SPTB: variants seen among roughly 807,000 people sequenced by gnomAD.
The protein encoded by SPTB is spectrin beta chain, erythrocytic.
SPTB carries 45 observed loss-of-function variants against 256.2 expected under a neutral mutation model. The ratio of observed to expected loss-of-function variants is 0.18; its 90% confidence interval spans 0.14 to 0.23. The LOEUF is 0.23. Ranked by LOEUF, SPTB falls within the 10% of genes least tolerant of loss-of-function variation. SPTB has a pLI of 1.00. For synonymous variants in SPTB, 1,231 were observed against 1,243.1 expected, an observed-to-expected ratio of 0.99 and a Z score of 0.21; for missense variants, 2,715 against 3,040.4, an observed-to-expected ratio of 0.89 and a Z score of 2.52.
intron 1 of SPTB, among the ~76,000 whole-genome samples, chr14:64,832,827 C>T (rs555649594): frequency 6.6e-6 from 1 of 152,328 alleles, no homozygotes; most frequent in South Asian, 2.1e-4. Context: ...CCACCGCTCC[C>T]CACACTTCTG....
Position 64,799,215 on chromosome 14 carries a change from A to T in SPTB, c.1064+532T>A, listed in dbSNP as rs1311155084. On this transcript the variant is annotated intron_variant, in intron 9 of 35. Coordinates refer to ENST00000644917, the MANE Select transcript of SPTB (RefSeq NM_001355436.2). ...TGTGTGCACGGTTGTTTGCATGCAC[A>T]TGTGTGTAAGCATATGCACACAGGC... Among the ~76,000 whole-genome samples the T allele has an allele frequency of 2.0e-5, 3 of 152,242 alleles. No individual in the cohort carries two copies. In the East Asian group the frequency reaches 5.8e-4, roughly 29 times the overall value.
intron 2 of SPTB, among the ~76,000 whole-genome samples, chr14:64,811,122 A>T (rs1042578504): frequency 6.6e-6 from 1 of 152,226 alleles, no homozygotes; most frequent in Non-Finnish European, 1.5e-5. Flanking sequence ...GAAAAAAAAA[A>T]GTTTATATTG....
Position 64,847,680 on chromosome 14 carries a change from G to A in SPTB, c.-51-24535C>T, listed in dbSNP as rs1422820388. ...AGACACCAGCCAGCTGGTGGGAAGT[G>A]CTGACCTGTTATATTCCCTTCCTTT... On this transcript the variant is annotated intron_variant, in intron 1 of 35. Transcript: ENST00000644917. This position sits in a 1 kb window ranked among gnomAD's most constrained non-coding sequence, Gnocchi z 5.9. Among the ~76,000 whole-genome samples the A allele has an allele frequency of 6.6e-6, 1 of 152,192 alleles. No individual in the cohort carries two copies. Among genetic ancestry groups the A allele is most frequent in the African/African-American group, 2.4e-5 (1 of 41,434 alleles).
At position 64,782,429 on chromosome 14, in the gene SPTB, G is replaced by C; in HGVS notation, c.4127C>G (p.Ser1376Trp). 1 of 1,614,136 alleles carries C rather than the reference G, an allele frequency of 6.2e-7. No homozygotes were observed. The highest frequency in any genetic ancestry group is 8.5e-7 in the Non-Finnish European group (1 of 1,180,044). The change falls in exon 20 of 36, where the codon TCG (serine) becomes TGG (tryptophan). Residue 1376 changes from serine (S) to tryptophan (W), a missense_variant. By Grantham distance (177) the Ser-to-Trp change is radical. Around this residue, in one of 4 missense-constraint regions of SPTB, gnomAD observed 2,239 missense variants for 2,384.4 expected, o/e 0.94. Coordinates refer to ENST00000644917, the MANE Select transcript of SPTB (RefSeq NM_001355436.2). ...GCGCAGGTCGGAGCTCCTGGCAGCC[G>C]AGAGGTGCTGGGTCTTCTCCTTTGT... ...ATTKEKTQHL[S>W]AARSSDLRLQ... is the part of the protein sequence containing the mutation.
rs1566789747 is a variant in SPTB, at chr14:64,826,641, T to C, written c.-51-3496A>G. 6.6e-6 allele frequency among the ~76,000 whole-genome samples: 1 copy of C among 152,226 alleles called. No individual in the cohort carries two copies. ...GCATAAGTACTTCCTTGTCCATTCATTCCCTGGCTTACCCACAAGTCCCCC... is the reference window on the plus strand; with the variant it reads ...GCATAAGTACTTCCTTGTCCATTCACTCCCTGGCTTACCCACAAGTCCCCC... On this transcript the variant is annotated intron_variant, in intron 1 of 35. Coordinates refer to ENST00000644917, the MANE Select transcript of SPTB (RefSeq NM_001355436.2). The surrounding 1 kb of genome is among the most constrained non-coding windows in gnomAD (Gnocchi z 4.4).
In SPTB at chr14:64,759,210, G is replaced by A. The variant is rs1301200054; in HGVS notation, c.6346-5417C>T. 6.6e-6 allele frequency among the ~76,000 whole-genome samples: 1 copy of A among 152,180 alleles called. No homozygotes were observed. Among genetic ancestry groups the A allele is most frequent in the Non-Finnish European group, 1.5e-5 (1 of 68,024 alleles). On this transcript the variant is annotated intron_variant, in intron 32 of 35. Coordinates refer to ENST00000644917, the MANE Select transcript of SPTB (RefSeq NM_001355436.2). The surrounding 1 kb of genome is among the most constrained non-coding windows in gnomAD (Gnocchi z 4.8). ...CACAATGCCTCTGAAATCGGAAAGGGCACCACAGGTGGTGTGGGAAGGCAG... is the reference window on the plus strand; with the variant it reads ...CACAATGCCTCTGAAATCGGAAAGGACACCACAGGTGGTGTGGGAAGGCAG...
At chr14:64,877,310 CAGA>C (rs1882871190) in intron 1 of SPTB, among the ~76,000 whole-genome samples, 2 of 152,076 alleles carry the variant, frequency 1.3e-5, no homozygotes, top group Non-Finnish European at 2.9e-5. Context: ...CTGATATAAG[CAGA>C]ACTATTACCT....
chr14:64,812,100 C>T (rs1309308914), intron 2 of SPTB, among the ~76,000 whole-genome samples: 2 of 151,920 alleles, frequency 1.3e-5, no homozygotes, highest in Non-Finnish European at 2.9e-5. Context: ...AGGCATGTGC[C>T]AACACACCCA....
rs1382107552 is a variant in SPTB, at chr14:64,787,085, G to A, written c.2880C>T (p.Cys960=). 10 of 1,612,460 alleles carry A rather than the reference G, an allele frequency of 6.2e-6. No homozygotes were observed. The highest frequency in any genetic ancestry group is 1.1e-5 in the South Asian group (1 of 91,072). ...ACTTGCTGGTCTCCTCGCAATCTAC[G>A]CAGTAGTTGTGCACTCGGAGGGCTG... ...VDSALRVHNY[C]VDCEETSKWI... is the part of the protein sequence containing the mutation. Residue 960 remains cysteine, a synonymous_variant, in exon 16 of 36, where the codon TGC becomes TGT. Transcript: ENST00000644917.
At chr14:64,757,478 G>A (rs2082031145) in intron 32 of SPTB, 2 of 152,278 alleles carry the variant, frequency 1.3e-5, no homozygotes, top group East Asian at 3.8e-4. Context: ...GTTGGCTTTG[G>A]AAAATGGGGG....
At chr14:64,768,446 C>A (rs1267922865) in intron 29 of SPTB, among the ~76,000 whole-genome samples, 1 of 152,158 alleles carries the variant, frequency 6.6e-6, no homozygotes, top group African/African-American at 2.4e-5. Context: ...GTTGAACATT[C>A]TTCCCAGCCC....
intron 27 of SPTB, 104 bp downstream of exon 27, chr14:64,770,781 C>T: frequency 6.4e-7 from 1 of 1,556,678 alleles, no homozygotes; most frequent in Non-Finnish European, 8.8e-7. Context: ...GAACGATAGT[C>T]CAGGACTGTC....
intron 9 of SPTB, 81 bp downstream of exon 9, chr14:64,799,666 A>T: frequency 6.5e-7 from 1 of 1,537,588 alleles, no homozygotes; most frequent in Non-Finnish European, 8.9e-7. Context: ...ACACTTCATA[A>T]GGCCCAGAAC....
rs372204766 is a variant in SPTB at position 64,775,220 on chromosome 14, C to T, written c.4747G>A (p.Ala1583Thr). The T allele has an allele frequency of 3.3e-5, 54 of 1,613,704 alleles. No individual in the cohort carries two copies. Among genetic ancestry groups the T allele is most frequent in the Non-Finnish European group, 4.2e-5 (49 of 1,180,052 alleles). The change falls in exon 23 of 36, where the codon GCC (alanine) becomes ACC (threonine). Residue 1583 changes from alanine to threonine, a missense_variant. Ala to Thr is a moderately conservative substitution (Grantham distance 58). Coordinates refer to ENST00000644917, the MANE Select transcript of SPTB (RefSeq NM_001355436.2). The surrounding 1 kb of genome is among the most constrained non-coding windows in gnomAD (Gnocchi z 5.0). ...AAGRLQRLRD[A>T]NEAQQYYLDA... is the part of the protein sequence containing the mutation. ...AGGTAGTACTGCTGTGCCTCGTTGG[C>T]GTCCCTCAGTCGCTGCAGCCTCCCG...
At position 64,766,819 on chromosome 14, in the gene SPTB, T is replaced by C; in HGVS notation, c.6270-18A>G. Reference sequence around the variant, plus strand: ...CTTGAGGCCTAAGGAAGACACAGTCTCTCTTTAGAAACAAGCACCCCTCTG... The same window carrying C: ...CTTGAGGCCTAAGGAAGACACAGTCCCTCTTTAGAAACAAGCACCCCTCTG... On this transcript the variant is annotated intron_variant, in intron 31 of 35. Transcript: ENST00000644917. 1.9e-6 allele frequency: 3 copies of C among 1,608,894 alleles called. No individual in the cohort carries two copies. Among genetic ancestry groups the C allele is most frequent in the Non-Finnish European group, 1.7e-6 (2 of 1,179,826 alleles).
At chr14:64,863,774 A>G (rs1052412691) in intron 1 of SPTB, among the ~76,000 whole-genome samples, 1 of 152,250 alleles carries the variant, frequency 6.6e-6, no homozygotes, top group Non-Finnish European at 1.5e-5. Context: ...CCTAGATTTC[A>G]GACAGTGAGA....
intron 2 of SPTB, among the ~76,000 whole-genome samples, chr14:64,805,349 T>C (rs1337956629): frequency 6.6e-6 from 1 of 152,156 alleles, no homozygotes; most frequent in African/African-American, 2.4e-5. Context: ...CACCTCTAAT[T>C]CAGCATCTGT....
chr14:64,851,609 A>T (rs2083788137), intron 1 of SPTB, among the ~76,000 whole-genome samples: 1 of 152,138 alleles, frequency 6.6e-6, no homozygotes, highest in African/African-American at 2.4e-5. Context: ...GCTAGGCATG[A>T]GGGTTACGAA....
Position 64,792,359 on chromosome 14 carries a change from G to A in SPTB, c.2667-503C>T, listed in dbSNP as rs1457284894. ...TCGGGGGGAATTTGTGGTTCTGAAG[G>A]CCGATCCTTCTAGGGTAAGAGCCCA... On this transcript the variant is annotated intron_variant, in intron 14 of 35. Transcript: ENST00000644917. The surrounding 1 kb of genome is among the most constrained non-coding windows in gnomAD (Gnocchi z 4.2). Among the ~76,000 whole-genome samples the A allele has an allele frequency of 6.6e-6, 1 of 152,166 alleles. No homozygotes were observed. Among genetic ancestry groups the A allele is most frequent in the Non-Finnish European group, 1.5e-5 (1 of 68,014 alleles).
Sources: allele counts gnomAD v4.1 joint callset (sites outside exome capture counted in the v4.1 genomes callset), GRCh38; gene constraint gnomAD v4.1.1; regional missense constraint gnomAD v4.1.1; non-coding constraint Gnocchi (gnomAD v3.1); transcripts MANE v1.5; gene names NCBI Gene and HGNC (gene_info 2026-07-23, HGNC 2026-07-21).